KIF21A: variants seen among roughly 807,000 people sequenced by gnomAD.
KIF21A encodes kinesin-like protein KIF21A.
In KIF21A, 114 loss-of-function variants were observed where a neutral mutation model predicts 202.9. The observed-to-expected ratio is 0.56, with a 90% CI of 0.48 to 0.66. The LOEUF is 0.66. Among genes scored for constraint, KIF21A ranks in the 30% least tolerant of loss-of-function variants. The pLI is 0.00. For synonymous variants in KIF21A, 667 were observed against 670.8 expected, an observed-to-expected ratio of 0.99 and a Z score of 0.09; for missense variants, 1,677 against 1,994.9, an observed-to-expected ratio of 0.84 and a Z score of 3.04.
rs1407646031 is a variant in KIF21A at position 39,342,069 on chromosome 12, C to A, written c.1768G>T (p.Gly590Cys). 1 of 1,611,736 alleles carries A rather than the reference C, an allele frequency of 6.2e-7. No individual in the cohort carries two copies. The highest frequency in any genetic ancestry group is 8.5e-7 in the Non-Finnish European group (1 of 1,178,298). ...TCATTGTTTTCTCTTTCCGAAACAC[C>A]CTTTTCTTCTTTCTTCTCTTGGTCA... is the stretch of plus-strand genomic sequence containing the variant. ...DTDQEKKEEK[G>C]VSERENNELE... The change falls in exon 13 of 38, where the codon GGT becomes TGT. Residue 590 changes from glycine to cysteine, a missense_variant. This residue lies in a region of KIF21A where 966 missense variants were observed against 1,180.9 expected (regional missense o/e 0.82). Coordinates refer to ENST00000361418, the MANE Select transcript of KIF21A (RefSeq NM_001173464.2).
In KIF21A at chr12:39,309,778, A is replaced by T. The variant is rs1406080390; in HGVS notation, c.4097-12T>A. ...TTTACAAGTACGATCTAAAACAAAC[A>T]CATAAAAAAAAGAAAACACCATTAA... On this transcript the variant is annotated splice_polypyrimidine_tract_variant and intron_variant, in intron 32 of 37. Transcript: ENST00000361418. 3 of 1,609,580 alleles carry T rather than the reference A, an allele frequency of 1.9e-6. No individual in the cohort carries two copies. Among genetic ancestry groups the T allele is most frequent in the Non-Finnish European group, 2.5e-6 (3 of 1,177,822 alleles).
chr12:39,424,858 CA>C (rs1954621736), intron 1 of KIF21A, among the ~76,000 whole-genome samples: 2 of 152,220 alleles, frequency 1.3e-5, no homozygotes, highest in Admixed American at 1.3e-4. Flanking sequence ...TTCTGAAATG[CA>C]TATTAGATCA....
At chr12:39,433,584 T>G (rs985723733) in intron 1 of KIF21A, among the ~76,000 whole-genome samples, 17 of 152,196 alleles carry the variant, frequency 1.1e-4, no homozygotes, top group African/African-American at 4.1e-4. Flanking sequence ...ACTATCCACT[T>G]TAGTTACCAT....
chr12:39,400,763 C>G (rs936765652), intron 1 of KIF21A, among the ~76,000 whole-genome samples: 13 of 152,114 alleles, frequency 8.5e-5, no homozygotes, highest in Non-Finnish European at 4.4e-5. Flanking sequence ...CTGATTTAGG[C>G]TGAAGTTCTA....
At chr12:39,360,636 G>A (rs888034438) in intron 7 of KIF21A, among the ~76,000 whole-genome samples, 10 of 150,070 alleles carry the variant, frequency 6.7e-5, no homozygotes, top group African/African-American at 1.5e-4. Context: ...CAGGTTATCC[G>A]CCCACCTAGG....
chr12:39,416,880 C>CAT (rs201915556), intron 1 of KIF21A, among the ~76,000 whole-genome samples: 3 of 143,066 alleles, frequency 2.1e-5, no homozygotes, highest in East Asian at 2.0e-4. Context: ...TAGATATGTA[C>CAT]ATATATATAT....
intron 31 of KIF21A, 94 bp from the exon 32 acceptor site, chr12:39,311,647 G>T: frequency 7.8e-7 from 1 of 1,275,570 alleles, no homozygotes. Flanking sequence ...CTAACTTTAA[G>T]AAGTCTTTAT....
intron 1 of KIF21A, among the ~76,000 whole-genome samples, chr12:39,371,024 A>T (rs1949916617): frequency 6.6e-6 from 1 of 152,112 alleles, no homozygotes; most frequent in Non-Finnish European, 1.5e-5. Context: ...GTATACTTTA[A>T]ATCATCTCCA....
At chr12:39,427,168 G>A (rs374220907) in intron 1 of KIF21A, among the ~76,000 whole-genome samples, 9 of 152,066 alleles carry the variant, frequency 5.9e-5, no homozygotes, top group African/African-American at 9.7e-5. Context: ...ACTAATAAAC[G>A]GAACTGAACT....
intron 1 of KIF21A, among the ~76,000 whole-genome samples, chr12:39,416,599 A>ATACATATATATATATATG (rs1314296144): frequency 3.4e-5 from 4 of 119,306 alleles, no homozygotes; most frequent in African/African-American, 1.3e-4. Context: ...CGCCTTAAAT[A>ATACATATATATATATATG]TACATATATA....
chr12:39,336,424 T>G (rs977297889), intron 17 of KIF21A, among the ~76,000 whole-genome samples: 5 of 152,164 alleles, frequency 3.3e-5, no homozygotes, highest in Non-Finnish European at 7.4e-5. Flanking sequence ...AAAATGACCA[T>G]GCTTTACACT....
In KIF21A at chr12:39,357,280, C is replaced by A. The variant is rs781683151; in HGVS notation, c.1373G>T (p.Ser458Ile). The A allele has an allele frequency of 1.2e-6, 2 of 1,614,192 alleles. No individual in the cohort carries two copies. The highest frequency in any genetic ancestry group is 2.2e-5 in the South Asian group (2 of 91,084). ...ALRSRITQLVSDQANHVLARA... is the reference protein window; with the variant it reads ...ALRSRITQLVIDQANHVLARA... ...GGCAAGAACATGGTTGGCCTGATCACTAACAAGCTGTGTAATTCTGGACCT... is the reference window on the plus strand; with the variant it reads ...GGCAAGAACATGGTTGGCCTGATCAATAACAAGCTGTGTAATTCTGGACCT... The change falls in exon 9 of 38, where the codon AGT (serine) becomes ATT (isoleucine). Residue 458 changes from serine (S) to isoleucine (I), a missense_variant. This residue lies in a region of KIF21A where 966 missense variants were observed against 1,180.9 expected (regional missense o/e 0.82). Transcript: ENST00000361418.
At chr12:39,405,558 T>C (rs1952514913) in intron 1 of KIF21A, among the ~76,000 whole-genome samples, 1 of 152,184 alleles carries the variant, frequency 6.6e-6, no homozygotes. Flanking sequence ...GTGCAGGAAA[T>C]ATTTAACTAG....
chr12:39,321,143 T>C (rs1215355136), intron 27 of KIF21A, among the ~76,000 whole-genome samples: 1 of 152,082 alleles, frequency 6.6e-6, no homozygotes, highest in Admixed American at 6.6e-5. Flanking sequence ...TGAGTAAAAT[T>C]ACGCAGTAAT....
intron 17 of KIF21A, among the ~76,000 whole-genome samples, chr12:39,334,233 GAAAA>G (rs1301654854): frequency 4.9e-4 from 70 of 143,648 alleles, no homozygotes; most frequent in Non-Finnish European, 8.6e-4. Context: ...AAGAAAGAAA[GAAAA>G]GAAAACAAAA....
chr12:39,439,441 A>G (rs1021396235), intron 1 of KIF21A, among the ~76,000 whole-genome samples: 5 of 152,198 alleles, frequency 3.3e-5, no homozygotes, highest in African/African-American at 9.6e-5. Context: ...AAGCCAATGT[A>G]TATCTATTAC....
At chr12:39,394,133 G>A (rs1196869850) in intron 1 of KIF21A, among the ~76,000 whole-genome samples, 1 of 152,146 alleles carries the variant, frequency 6.6e-6, no homozygotes, top group Non-Finnish European at 1.5e-5. Flanking sequence ...CCTCCATTCA[G>A]ATGCTAATCA....
intron 10 of KIF21A, among the ~76,000 whole-genome samples, chr12:39,356,004 T>TTATG (rs1948750593): frequency 2.6e-5 from 4 of 152,188 alleles, no homozygotes; most frequent in Admixed American, 2.6e-4. Context: ...TCCCGTTTGC[T>TTATG]TATGTTCTGC....
chr12:39,295,301 T>C (rs1942194424), intron 37 of KIF21A, among the ~76,000 whole-genome samples: 1 of 152,236 alleles, frequency 6.6e-6, no homozygotes, highest in African/African-American at 2.4e-5. Flanking sequence ...GACCAGTCAT[T>C]AGATAATCAC....
Sources: allele counts gnomAD v4.1 joint callset (sites outside exome capture counted in the v4.1 genomes callset), GRCh38; gene constraint gnomAD v4.1.1; regional missense constraint gnomAD v4.1.1; transcripts MANE v1.5; gene names NCBI Gene and HGNC (gene_info 2026-07-23, HGNC 2026-07-21).